UNC5D: variants seen among roughly 807,000 people sequenced by gnomAD.
UNC5D encodes the protein unc-5 netrin receptor D.
A neutral mutation model predicts 105.4 loss-of-function variants in UNC5D; 39 were observed. The observed-to-expected ratio is 0.37, with a 90% CI of 0.29 to 0.48. The LOEUF (loss-of-function observed/expected upper bound fraction) is 0.48. UNC5D is among the 20% of genes least tolerant of loss of function. The pLI, the probability that UNC5D is intolerant of heterozygous loss-of-function variation, is 0.98. For synonymous variants in UNC5D, 452 were observed against 450.4 expected (o/e 1.00, Z -0.04); for missense variants, 991 against 1,202.4 (o/e 0.82, Z 2.60).
chr8:35,525,453 G>A, intron 1 of UNC5D: 2 of 1,612,178 alleles, frequency 1.2e-6, no homozygotes, highest in Non-Finnish European at 1.7e-6. Context: ...AGCACTGATT[G>A]CATAGGCCTG....
intron 1 of UNC5D, among the ~76,000 whole-genome samples, chr8:35,314,591 T>A (rs1040977912): frequency 6.6e-6 from 1 of 152,194 alleles, no homozygotes; most frequent in Non-Finnish European, 1.5e-5. Flanking sequence ...CTAATTTATT[T>A]AAAAAATCTT....
chr8:35,303,769 C>T (rs1808137788), intron 1 of UNC5D, among the ~76,000 whole-genome samples: 1 of 152,138 alleles, frequency 6.6e-6, no homozygotes, highest in African/African-American at 2.4e-5. Flanking sequence ...AGCAAGCACA[C>T]TTCACAGGCA....
chr8:35,466,752 T>C (rs1585908060), intron 1 of UNC5D, among the ~76,000 whole-genome samples: 1 of 152,164 alleles, frequency 6.6e-6, no homozygotes, highest in Admixed American at 6.5e-5. Context: ...TCATTGATCA[T>C]ATAAAAAGAG....
chr8:35,336,691 T>C (rs952431683), intron 1 of UNC5D, among the ~76,000 whole-genome samples: 2 of 152,164 alleles, frequency 1.3e-5, no homozygotes, highest in African/African-American at 4.8e-5. Flanking sequence ...TGCAGACATA[T>C]ACATTTTTTT....
At chr8:35,393,811 G>A (rs1803930361) in intron 1 of UNC5D, among the ~76,000 whole-genome samples, 1 of 152,190 alleles carries the variant, frequency 6.6e-6, no homozygotes, top group South Asian at 2.1e-4. Flanking sequence ...CTATGTGAAG[G>A]CCTGTTTTAA....
chr8:35,779,041 G>T (rs1038673214), intron 16 of UNC5D, among the ~76,000 whole-genome samples: 6 of 152,196 alleles, frequency 3.9e-5, no homozygotes, highest in African/African-American at 1.4e-4. Flanking sequence ...GATAACAGTT[G>T]TAGTTATAGA....
intron 1 of UNC5D, among the ~76,000 whole-genome samples, chr8:35,285,140 T>G (rs937918764): frequency 6.6e-6 from 1 of 152,226 alleles, no homozygotes; most frequent in Non-Finnish European, 1.5e-5. Flanking sequence ...TCATAAGACT[T>G]TCACCTCTGT....
rs201950756 is a variant in UNC5D at position 35,549,405 on chromosome 8, C to T, written c.217C>T (p.Leu73Phe). ...AYIIKSNPIA[L>F]RCKARPAMQI... ...TATTATCAAGAGCAACCCTATTGCA[C>T]TCAGGTGCAAAGCGAGGCCAGCCAT... The change falls in exon 2 of 17, where the codon CTC becomes TTC. Residue 73 changes from leucine (L) to phenylalanine (F), a missense_variant. Transcript: ENST00000404895. 126 of 1,613,436 alleles carry T rather than the reference C, an allele frequency of 7.8e-5. No individual in the cohort carries two copies. Among genetic ancestry groups the T allele is most frequent in the Non-Finnish European group, 9.3e-5 (110 of 1,180,032 alleles).
At chr8:35,650,089 C>T (rs1211418009) in intron 4 of UNC5D, among the ~76,000 whole-genome samples, 3 of 151,912 alleles carry the variant, frequency 2.0e-5, no homozygotes, top group African/African-American at 7.3e-5. Context: ...CAATTTTATT[C>T]CAAAATAAAA....
chr8:35,320,727 C>T lies in UNC5D; in HGVS notation c.103+84840C>T, dbSNP rs540230766. Among the ~76,000 whole-genome samples, 16 of 152,170 alleles carry T rather than the reference C, an allele frequency of 1.1e-4. No homozygotes were observed. In the East Asian group the frequency reaches 1.6e-3, roughly 15 times the overall value. On this transcript the variant is annotated intron_variant, in intron 1 of 16. Transcript: ENST00000404895. Reference sequence around the variant, plus strand: ...TGCTGGTCAGCTGTGCCTGGACATCCAAAGGGAGGAGGGTATAATGAGGCA... The same window carrying T: ...TGCTGGTCAGCTGTGCCTGGACATCTAAAGGGAGGAGGGTATAATGAGGCA...
At chr8:35,284,053 A>G (rs908164256) in intron 1 of UNC5D, among the ~76,000 whole-genome samples, 1 of 152,228 alleles carries the variant, frequency 6.6e-6, no homozygotes, top group Non-Finnish European at 1.5e-5. Context: ...AGGAAGATTT[A>G]GTGAGAATAT....
chr8:35,383,194 A>G (rs564972654), intron 1 of UNC5D, among the ~76,000 whole-genome samples: 1 of 152,350 alleles, frequency 6.6e-6, no homozygotes, highest in African/African-American at 2.4e-5. Flanking sequence ...TTTGTCCAGC[A>G]GCTTACCATT....
At chr8:35,715,306 C>T (rs1178907043) in intron 8 of UNC5D, among the ~76,000 whole-genome samples, 2 of 151,634 alleles carry the variant, frequency 1.3e-5, no homozygotes, top group Non-Finnish European at 2.9e-5. Context: ...AAATGGAGGA[C>T]AGTTACATAT....
chr8:35,564,496 A>G (rs1014964325), intron 2 of UNC5D, among the ~76,000 whole-genome samples: 2 of 152,194 alleles, frequency 1.3e-5, no homozygotes, highest in African/African-American at 4.8e-5. Context: ...AGAGGAAAAC[A>G]TAAAGCAAGC....
intron 1 of UNC5D, among the ~76,000 whole-genome samples, chr8:35,390,677 T>C (rs972457306): frequency 6.6e-6 from 1 of 152,228 alleles, no homozygotes; most frequent in Non-Finnish European, 1.5e-5. Flanking sequence ...TAATCCTAGC[T>C]AAGTCTCTCT....
At chr8:35,488,497 C>T (rs1319837216) in intron 1 of UNC5D, among the ~76,000 whole-genome samples, 1 of 152,142 alleles carries the variant, frequency 6.6e-6, no homozygotes, top group Non-Finnish European at 1.5e-5. Context: ...TTTAGCAGTC[C>T]GGGTTGCCTC....
rs534788342 is a variant in UNC5D, at chr8:35,393,196, A to G, written c.104-156096A>G. Among the ~76,000 whole-genome samples, 180 of 129,322 alleles carry G rather than the reference A, an allele frequency of 1.4e-3. 1 individual carries two copies. Among genetic ancestry groups the G allele is most frequent in the African/African-American group, 5.0e-3 (171 of 34,338 alleles). 84.8% of individuals were successfully genotyped at this position (129,322 alleles called of 152,430 possible). A position where few individuals can be genotyped will look rare whatever the true frequency, so the allele number is the denominator to read the frequency against. ...CGCCCAGGCTGGAGTGCAGTGGCGC[A>G]ATCTCGGCTCACTGCAGGCTCCGCC... On this transcript the variant is annotated intron_variant, in intron 1 of 16. Transcript: ENST00000404895.
At chr8:35,688,962 A>G (rs1042777385) in intron 7 of UNC5D, among the ~76,000 whole-genome samples, 4 of 152,222 alleles carry the variant, frequency 2.6e-5, no homozygotes, top group Non-Finnish European at 5.9e-5. Flanking sequence ...GGTCAATTTT[A>G]TGTGTCAACC....
Position 35,604,360 on chromosome 8 carries a change from G to T in UNC5D, c.570+8703G>T, listed in dbSNP as rs536345732. Among the ~76,000 whole-genome samples, 399 of 152,262 alleles carry T rather than the reference G, an allele frequency of 2.6e-3. 1 individual carries two copies. The highest frequency in any genetic ancestry group is 4.6e-3 in the Non-Finnish European group (310 of 68,020). On this transcript the variant is annotated intron_variant, in intron 4 of 16. Transcript: ENST00000404895. Reference sequence around the variant, plus strand: ...TGAAAATTCTTTTCTTTAAGAATGTGGAATATTGGCCCCCACCCTCTTCTG... The same window carrying T: ...TGAAAATTCTTTTCTTTAAGAATGTTGAATATTGGCCCCCACCCTCTTCTG...
Sources: allele counts gnomAD v4.1 joint callset (sites outside exome capture counted in the v4.1 genomes callset), GRCh38; gene constraint gnomAD v4.1.1; transcripts MANE v1.5; gene names NCBI Gene and HGNC (gene_info 2026-07-23, HGNC 2026-07-21).